The following ESS2 variants were observed in gnomAD, a reference collection of about 807,000 sequenced individuals.
ESS2 encodes ess-2 spliceosome associated protein, also known as splicing factor ESS-2 homolog.
In ESS2, 31 loss-of-function variants were observed where a neutral mutation model predicts 52.0. That is an observed-to-expected ratio of 0.60 (90% CI 0.45 to 0.81). The LOEUF is 0.81. Ranked by LOEUF, ESS2 falls within the 30% of genes least tolerant of loss-of-function variation. The probability of loss-of-function intolerance (pLI) is 0.00; values close to 1 mark genes in which losing one functional copy is unlikely to be tolerated. For synonymous variants in ESS2, 285 were observed against 259.2 expected, an observed-to-expected ratio of 1.10 and a Z score of -0.95; for missense variants, 602 against 637.2, an observed-to-expected ratio of 0.94 and a Z score of 0.59.
intron 9 of ESS2, among the ~76,000 whole-genome samples, 178 bp from the exon 10 acceptor site, chr22:19,134,653 G>A (rs1398734537): frequency 1.3e-5 from 2 of 152,104 alleles, no homozygotes; most frequent in Non-Finnish European, 2.9e-5. Flanking sequence ...AAACAGCAGC[G>A]CTCAGGTCAA....
In ESS2 at chr22:19,131,276, T is replaced by G. The variant is rs1357608203; in HGVS notation, c.*2920A>C. 1.3e-6 allele frequency: 1 copy of G among 775,776 alleles called. No homozygotes were observed. Among genetic ancestry groups the G allele is most frequent in the Admixed American group, 2.6e-5 (1 of 38,186 alleles). The allele number at this position is 775,776 out of a possible 1,614,324, so 48.1% of individuals were successfully genotyped here. A position where few individuals can be genotyped will look rare whatever the true frequency, so the allele number is the denominator to read the frequency against. ...GAGACAATGCTGAGTGTTCCACCCC[T>G]GAGTCGAAGCCCAGCCCAGGGCAGC... On this transcript the variant is annotated 3_prime_UTR_variant, in exon 10 of 10. Transcript: ENST00000252137. The surrounding 1 kb of genome is among the most constrained non-coding windows in gnomAD (Gnocchi z 5.7).
intron 7 of ESS2, 100 bp from the exon 8 acceptor site, chr22:19,137,532 C>G (rs925937281): frequency 1.8e-5 from 18 of 1,009,506 alleles, no homozygotes; most frequent in Non-Finnish European, 2.5e-5. Context: ...CCAGCTAATA[C>G]GAAGGCAGGC....
In ESS2 at chr22:19,137,697, CAGG is replaced by C. The variant is rs958495584; in HGVS notation, c.926-268_926-266del. On this transcript the variant is annotated intron_variant, in intron 7 of 9. Transcript: ENST00000252137. ...CTCTGGGAGGTCTCCCCCAGCCACG[CAGG>C]AGGAGACACTCAGGCCTTCCAGGGC... The C allele has an allele frequency of 2.8e-5, 27 of 978,168 alleles. No individual in the cohort carries two copies. In the Admixed American group the frequency reaches 1.6e-3, roughly 58 times the overall value. 60.6% of individuals were successfully genotyped at this position (978,168 alleles called of 1,614,324 possible).
Position 19,130,504 on chromosome 22 carries a change from C to G in ESS2, c.*3692G>C, listed in dbSNP as rs2083496633. The G allele has an allele frequency of 2.8e-6, 1 of 353,618 alleles. No individual in the cohort carries two copies. The highest frequency in any genetic ancestry group is 2.2e-5 in the African/African-American group (1 of 45,714). The allele number at this position is 353,618 out of a possible 1,614,324, so 21.9% of individuals were successfully genotyped here. ...TTGCTAAGTCCGATTAAAAGGGGCC[C>G]AGTGCCTTCAAGGCCTGTCTACTGT... On this transcript the variant is annotated 3_prime_UTR_variant, in exon 10 of 10. Coordinates refer to ENST00000252137, the MANE Select transcript of ESS2 (RefSeq NM_022719.3).
chr22:19,136,031 T>TAAAAA lies in ESS2; in HGVS notation c.1036-861_1036-857dup, dbSNP rs377121962. On this transcript the variant is annotated intron_variant, in intron 8 of 9. Transcript: ENST00000252137. ...GGCAACAGAGTGAAACCCTATCTGT[T>TAAAAA]AAAAAAAAAAAAAAAAAAAAAAAAG... 3.5e-3 allele frequency among the ~76,000 whole-genome samples: 320 copies of TAAAAA among 92,518 alleles called. 6 individuals carry two copies. Among genetic ancestry groups the TAAAAA allele is most frequent in the East Asian group, 0.034 (110 of 3,196 alleles). The allele number at this position is 92,518 out of a possible 152,430, so 60.7% of individuals were successfully genotyped here.
chr22:19,141,244 T>C (rs17743906), intron 3 of ESS2, among the ~76,000 whole-genome samples: 14,929 of 152,200 alleles, frequency 0.098, 802 homozygotes, highest in Middle Eastern at 0.15. Flanking sequence ...AAAAGCTGGA[T>C]TGTAAAGCAA....
chr22:19,136,825 G>A (rs2083590347), intron 8 of ESS2, among the ~76,000 whole-genome samples: 1 of 152,170 alleles, frequency 6.6e-6, no homozygotes, highest in Non-Finnish European at 1.5e-5. Flanking sequence ...AAGGCCCGCA[G>A]TGGTATGGGG....
At chr22:19,140,086 C>A in intron 3 of ESS2, 62 bp from the exon 4 acceptor site, 2 of 1,577,372 alleles carry the variant, frequency 1.3e-6, no homozygotes, top group Non-Finnish European at 8.6e-7. Context: ...GAGGAGGACA[C>A]CCAGGCCCAG....
At chr22:19,136,860 C>A (rs2083591038) in intron 8 of ESS2, among the ~76,000 whole-genome samples, 1 of 152,118 alleles carries the variant, frequency 6.6e-6, no homozygotes, top group Non-Finnish European at 1.5e-5. Context: ...TGACCCAGCC[C>A]ACGAAGAGCC....
At position 19,132,486 on chromosome 22, in the gene ESS2, G is replaced by A; in HGVS notation, c.*1710C>T. ...GAAAGCAAGCACCTAGCATGACAATGGCCCCGTTGTGTGTGGTGGGGGTCG... is the reference window on the plus strand; with the variant it reads ...GAAAGCAAGCACCTAGCATGACAATAGCCCCGTTGTGTGTGGTGGGGGTCG... On this transcript the variant is annotated 3_prime_UTR_variant, in exon 10 of 10. Coordinates refer to ENST00000252137, the MANE Select transcript of ESS2 (RefSeq NM_022719.3). This position sits in a 1 kb window ranked among gnomAD's most constrained non-coding sequence, Gnocchi z 4.2. The A allele has an allele frequency of 6.3e-7, 1 of 1,595,502 alleles. No individual in the cohort carries two copies. The highest frequency in any genetic ancestry group is 8.6e-7 in the Non-Finnish European group (1 of 1,168,950).
chr22:19,137,747 A>G (rs1348366431), intron 7 of ESS2: 1 of 985,230 alleles, frequency 1.0e-6, no homozygotes, highest in African/African-American at 1.7e-5. Context: ...CTAGAACCCC[A>G]GGCAAACCTG....
At chr22:19,144,431 G>C (rs1037578835) in intron 1 of ESS2, 75 bp downstream of exon 1, 3 of 1,601,084 alleles carry the variant, frequency 1.9e-6, no homozygotes, top group African/African-American at 1.3e-5. Flanking sequence ...GTCAACACCC[G>C]AGAGAGGGAA....
Position 19,131,930 on chromosome 22 carries a change from G to T in ESS2, c.*2266C>A, listed in dbSNP as rs1952398726. ...TCATCCTCAGCAAGACCTTCTGCGG[G>T]TCGGCAGCATATGCAGCCCCCGAGG... On this transcript the variant is annotated 3_prime_UTR_variant, in exon 10 of 10. Coordinates refer to ENST00000252137, the MANE Select transcript of ESS2 (RefSeq NM_022719.3). The surrounding 1 kb of genome is among the most constrained non-coding windows in gnomAD (Gnocchi z 5.7). The T allele has an allele frequency of 1.2e-6, 2 of 1,614,024 alleles. No individual in the cohort carries two copies. The highest frequency in any genetic ancestry group is 2.7e-5 in the African/African-American group (2 of 74,934).
At chr22:19,134,589 C>T in intron 9 of ESS2, 114 bp from the exon 10 acceptor site, 1 of 1,175,374 alleles carries the variant, frequency 8.5e-7, no homozygotes, top group Non-Finnish European at 1.2e-6. Context: ...TCACTCTGAG[C>T]TGAGGAGGAT....
chr22:19,138,195 C>A lies in ESS2; in HGVS notation c.925+20G>T, dbSNP rs761606666. 2.4e-5 allele frequency: 38 copies of A among 1,613,436 alleles called. No homozygotes were observed. The highest frequency in any genetic ancestry group is 3.2e-5 in the Non-Finnish European group (38 of 1,179,704). On this transcript the variant is annotated intron_variant, in intron 7 of 9. Transcript: ENST00000252137. ...GGAGTCCCAGCAGTAGACCCACTTG[C>A]CAGTGGGCACTTTTCTCACCAGGGG...
At chr22:19,141,448 G>A (rs547408746) in intron 3 of ESS2, among the ~76,000 whole-genome samples, 11 of 152,268 alleles carry the variant, frequency 7.2e-5, no homozygotes, top group African/African-American at 1.2e-4. Context: ...AACAGGACTC[G>A]GAGTGCCCTT....
intron 3 of ESS2, among the ~76,000 whole-genome samples, chr22:19,140,651 G>A (rs2083670464): frequency 6.6e-6 from 1 of 152,184 alleles, no homozygotes; most frequent in Non-Finnish European, 1.5e-5. Flanking sequence ...CTGAGGTGGT[G>A]CCCTGGTGCT....
chr22:19,143,296 C>T (rs1319694120), intron 1 of ESS2, among the ~76,000 whole-genome samples: 1 of 151,950 alleles, frequency 6.6e-6, no homozygotes, highest in East Asian at 1.9e-4. Context: ...AAGGAACTTG[C>T]TGAACCTCCT....
intron 3 of ESS2, among the ~76,000 whole-genome samples, chr22:19,140,276 C>T (rs887266209): frequency 6.6e-6 from 1 of 152,168 alleles, no homozygotes; most frequent in Non-Finnish European, 1.5e-5. Context: ...GTGCTGGATG[C>T]CAAGGGAATT....
Sources: allele counts gnomAD v4.1 joint callset (sites outside exome capture counted in the v4.1 genomes callset), GRCh38; gene constraint gnomAD v4.1.1; non-coding constraint Gnocchi (gnomAD v3.1); transcripts MANE v1.5; gene names NCBI Gene and HGNC (gene_info 2026-07-23, HGNC 2026-07-21).